DLG2: variants seen among roughly 807,000 people sequenced by gnomAD.
DLG2 encodes the protein discs large MAGUK scaffold protein 2.
DLG2 carries 45 observed loss-of-function variants against 132.5 expected under a neutral mutation model. The observed-to-expected ratio is 0.34, with a 90% CI of 0.27 to 0.44. The LOEUF is 0.44. Among genes scored for constraint, DLG2 ranks in the 20% least tolerant of loss-of-function variants. The pLI is 1.00. For synonymous variants in DLG2, 424 were observed against 419.6 expected, an observed-to-expected ratio of 1.01 and a Z score of -0.13; for missense variants, 1,045 against 1,196.9, an observed-to-expected ratio of 0.87 and a Z score of 1.87.
chr11:85,167,431 T>C (rs986877134), intron 4 of DLG2, among the ~76,000 whole-genome samples: 18 of 152,094 alleles, frequency 1.2e-4, no homozygotes, highest in Admixed American at 3.9e-4. Context: ...AATAGGGCAA[T>C]GTAGCATTTG....
chr11:84,106,635 CAGG>C (rs2092932636), intron 9 of DLG2, among the ~76,000 whole-genome samples: 1 of 151,984 alleles, frequency 6.6e-6, no homozygotes, highest in African/African-American at 2.4e-5. Context: ...GAAAAGCCAT[CAGG>C]AGAATACTTC....
intron 8 of DLG2, among the ~76,000 whole-genome samples, chr11:84,163,946 A>G (rs2095605588): frequency 6.6e-6 from 1 of 152,184 alleles, no homozygotes; most frequent in Non-Finnish European, 1.5e-5. Context: ...TTTTGAATAG[A>G]AAAATAGCAT....
chr11:83,835,328 G>A (rs992320063), intron 16 of DLG2, among the ~76,000 whole-genome samples: 1 of 152,142 alleles, frequency 6.6e-6, no homozygotes, highest in South Asian at 2.1e-4. Flanking sequence ...CACGTTAGAA[G>A]GCAAAAAGTA....
At chr11:85,473,885 C>A (rs1003418262) in intron 3 of DLG2, among the ~76,000 whole-genome samples, 1 of 151,218 alleles carries the variant, frequency 6.6e-6, no homozygotes, top group Non-Finnish European at 1.5e-5. Context: ...CAATCTGATA[C>A]AAAGCAAGAA....
chr11:83,469,183 G>A lies in DLG2; in HGVS notation c.2619+18C>T. 1 of 1,570,994 alleles carries A rather than the reference G, an allele frequency of 6.4e-7. No individual in the cohort carries two copies. Among genetic ancestry groups the A allele is most frequent in the South Asian group, 1.2e-5 (1 of 84,434 alleles). On this transcript the variant is annotated intron_variant, in intron 25 of 27. Transcript: ENST00000376104. ...GAAACCTTCTTCAGGGGAGGTGTAA[G>A]AAGATTGGTGAACATACTCTTTCTG...
rs973470340 is a variant in DLG2 at position 84,894,412 on chromosome 11, G to A, written c.357+217249C>T. Reference sequence around the variant, plus strand: ...TCATGAATTGCCATTTCATGAATCCGCTATTCTTGTACAATTCCATGTTAA... The same window carrying A: ...TCATGAATTGCCATTTCATGAATCCACTATTCTTGTACAATTCCATGTTAA... On this transcript the variant is annotated intron_variant, in intron 6 of 27. Transcript: ENST00000376104. 4.0e-5 allele frequency among the ~76,000 whole-genome samples: 6 copies of A among 151,802 alleles called. 1 individual carries two copies. The highest frequency in any genetic ancestry group is 1.3e-4 in the Admixed American group (2 of 15,240).
intron 7 of DLG2, among the ~76,000 whole-genome samples, chr11:84,311,646 A>G (rs570964072): frequency 2.0e-4 from 30 of 152,336 alleles, no homozygotes; most frequent in East Asian, 9.6e-4. Context: ...AGAGAAACTG[A>G]GGCTCAAAGG....
chr11:85,117,522 A>T (rs1165257437), intron 5 of DLG2, among the ~76,000 whole-genome samples: 1 of 151,876 alleles, frequency 6.6e-6, no homozygotes, highest in Non-Finnish European at 1.5e-5. Context: ...ATTCCAGTTT[A>T]ATAAGAACTT....
chr11:84,779,113 TG>T (rs2071225715), intron 6 of DLG2, among the ~76,000 whole-genome samples: 1 of 152,088 alleles, frequency 6.6e-6, no homozygotes, highest in African/African-American at 2.4e-5. Context: ...AACTTGCAGA[TG>T]GCCTACTGTG....
chr11:84,093,805 G>A, intron 10 of DLG2, among the ~76,000 whole-genome samples: 1 of 151,640 alleles, frequency 6.6e-6, no homozygotes, highest in East Asian at 1.9e-4. Flanking sequence ...AGTAGAGATG[G>A]GGTTTTACCA....
chr11:85,031,203 A>G (rs1233130407), intron 6 of DLG2, among the ~76,000 whole-genome samples: 1 of 151,830 alleles, frequency 6.6e-6, no homozygotes, highest in African/African-American at 2.4e-5. Flanking sequence ...TTTTCCTTTG[A>G]CCTTGAAATC....
chr11:84,486,112 G>A (rs1300949005), intron 7 of DLG2, among the ~76,000 whole-genome samples: 3 of 152,008 alleles, frequency 2.0e-5, no homozygotes, highest in African/African-American at 4.8e-5. Context: ...CACCTATAAG[G>A]GGACCTAGTA....
At chr11:85,220,392 C>T (rs780624394) in intron 4 of DLG2, among the ~76,000 whole-genome samples, 13 of 151,484 alleles carry the variant, frequency 8.6e-5, no homozygotes, top group Non-Finnish European at 1.6e-4. Flanking sequence ...ATGCAAAGGC[C>T]CTAGAGTAAG....
intron 19 of DLG2, among the ~76,000 whole-genome samples, chr11:83,591,693 A>C (rs1397716957): frequency 6.6e-6 from 1 of 150,684 alleles, no homozygotes; most frequent in Non-Finnish European, 1.5e-5. Context: ...GAAAAGAGGA[A>C]GTCAAATTGT....
At chr11:85,103,198 C>T (rs1167597618) in intron 6 of DLG2, among the ~76,000 whole-genome samples, 2 of 151,918 alleles carry the variant, frequency 1.3e-5, no homozygotes. Context: ...AATTGATGTA[C>T]AGAGTCAATG....
chr11:83,761,636 C>G (rs2093913647), intron 18 of DLG2, among the ~76,000 whole-genome samples: 1 of 152,170 alleles, frequency 6.6e-6, no homozygotes, highest in Non-Finnish European at 1.5e-5. Context: ...AGGTCCTAGA[C>G]TAACTGCTCC....
intron 19 of DLG2, 124 bp downstream of exon 19, chr11:83,633,087 T>C (rs2063849998): frequency 2.7e-6 from 2 of 750,020 alleles, no homozygotes; most frequent in Admixed American, 4.6e-5. Flanking sequence ...ACAAGGTCTT[T>C]CAGTAGTGTA....
intron 7 of DLG2, among the ~76,000 whole-genome samples, chr11:84,313,631 G>T (rs911373331): frequency 4.5e-5 from 3 of 66,538 alleles, no homozygotes; most frequent in Admixed American, 3.0e-4. Flanking sequence ...AAAAAGAAAG[G>T]AAAGAGAGAA....
At chr11:83,625,821 G>T (rs969973995) in intron 19 of DLG2, among the ~76,000 whole-genome samples, 3 of 152,156 alleles carry the variant, frequency 2.0e-5, no homozygotes, top group Admixed American at 6.5e-5. Flanking sequence ...ATATTTTCTG[G>T]AAATCCCAGT....
Sources: allele counts gnomAD v4.1 joint callset (sites outside exome capture counted in the v4.1 genomes callset), GRCh38; gene constraint gnomAD v4.1.1; transcripts MANE v1.5; gene names NCBI Gene and HGNC (gene_info 2026-07-23, HGNC 2026-07-21).